Variants in CA1 observed in about 807,000 individuals in gnomAD.
CA1 encodes carbonic anhydrase 1.
In CA1, 27 loss-of-function variants were observed where a neutral mutation model predicts 28.8. The ratio of observed to expected loss-of-function variants is 0.94; its 90% confidence interval spans 0.69 to 1.29. CA1 has a LOEUF of 1.29. Ranked by LOEUF, CA1 falls within the 50% of genes most tolerant of loss-of-function variation. CA1 has a pLI of 0.00. For missense variants in CA1, 335 were observed against 310.5 expected, an observed-to-expected ratio of 1.08 and a Z score of -0.59; for synonymous variants, 121 against 108.8, an observed-to-expected ratio of 1.11 and a Z score of -0.70.
At chr8:85,369,018 G>A (rs1027775417) in intron 1 of CA1, among the ~76,000 whole-genome samples, 19 of 152,148 alleles carry the variant, frequency 1.2e-4, no homozygotes, top group African/African-American at 4.6e-4. Flanking sequence ...CTGTAGCTCA[G>A]TGGCAGATCA....
At chr8:85,376,147 A>G (rs1204258100) in intron 1 of CA1, among the ~76,000 whole-genome samples, 2 of 152,154 alleles carry the variant, frequency 1.3e-5, no homozygotes, top group African/African-American at 4.8e-5. Flanking sequence ...CCTGGCCAAC[A>G]TGGCGAAACC....
At chr8:85,347,178 A>G (rs1463779211) in intron 1 of CA1, among the ~76,000 whole-genome samples, 2 of 152,214 alleles carry the variant, frequency 1.3e-5, no homozygotes, top group East Asian at 1.9e-4. Context: ...TCTAAAATAC[A>G]TTTGTAATGA....
chr8:85,336,877 A>G (rs1225898281), intron 4 of CA1, 68 bp downstream of exon 4: 7 of 922,968 alleles, frequency 7.6e-6, no homozygotes, highest in Non-Finnish European at 1.3e-5. Context: ...TGTCTTAGAA[A>G]AGAAGGGAGA....
In CA1 at chr8:85,350,749, A is replaced by G. The variant is rs992027888; in HGVS notation, c.-24-9090T>C. Among the ~76,000 whole-genome samples the G allele has an allele frequency of 2.1e-4, 32 of 152,170 alleles. 1 individual carries two copies. The highest frequency in any genetic ancestry group is 1.8e-3 in the Admixed American group (27 of 15,270). On this transcript the variant is annotated intron_variant, in intron 1 of 7. Transcript: ENST00000523022. ...TTAAAATGGAGATCCACAGAGTCCAAAGGAGTTCTTATGGGCCTTATAGGC... is the reference window on the plus strand; with the variant it reads ...TTAAAATGGAGATCCACAGAGTCCAGAGGAGTTCTTATGGGCCTTATAGGC...
chr8:85,366,794 A>G (rs1454446520), intron 1 of CA1, among the ~76,000 whole-genome samples: 2 of 152,200 alleles, frequency 1.3e-5, no homozygotes, highest in Non-Finnish European at 2.9e-5. Context: ...TTGAAGAGCA[A>G]TGGCATAATA....
chr8:85,331,658 A>T (rs575724347), intron 6 of CA1, among the ~76,000 whole-genome samples: 1 of 151,804 alleles, frequency 6.6e-6, no homozygotes. Flanking sequence ...GGATTTCACT[A>T]TGTTGGCCAG....
intron 1 of CA1, among the ~76,000 whole-genome samples, chr8:85,376,616 C>T (rs555266722): frequency 2.6e-5 from 4 of 151,540 alleles, no homozygotes; most frequent in African/African-American, 9.7e-5. Context: ...GAGCTGAGAT[C>T]ACACCACTGC....
intron 1 of CA1, among the ~76,000 whole-genome samples, chr8:85,355,382 A>G (rs965118514): frequency 6.6e-6 from 1 of 152,104 alleles, no homozygotes; most frequent in Non-Finnish European, 1.5e-5. Context: ...CTATGCACTT[A>G]TTTTTTATTT....
rs80199432 is a variant in CA1, at chr8:85,371,868, T to C, written c.-25+6178A>G. Among the ~76,000 whole-genome samples the C allele has an allele frequency of 7.1e-3, 1,078 of 152,238 alleles. 15 individuals carry two copies. Among genetic ancestry groups the C allele is most frequent in the African/African-American group, 0.024 (1,007 of 41,546 alleles). Reference sequence around the variant, plus strand: ...TCTACATGCATTGTGGCTAAAAGAATTGTGGCCTGTCTTCTATGGATGATT... The same window carrying C: ...TCTACATGCATTGTGGCTAAAAGAACTGTGGCCTGTCTTCTATGGATGATT... On this transcript the variant is annotated intron_variant, in intron 1 of 7. Coordinates refer to ENST00000523022, the MANE Select transcript of CA1 (RefSeq NM_001128831.4).
chr8:85,368,331 G>A (rs1464906878), intron 1 of CA1, among the ~76,000 whole-genome samples: 1 of 151,650 alleles, frequency 6.6e-6, no homozygotes, highest in African/African-American at 2.4e-5. Flanking sequence ...CCATGCCCGG[G>A]TAATTTTTTT....
intron 4 of CA1, among the ~76,000 whole-genome samples, chr8:85,334,481 TTAAA>T (rs1017546617): frequency 6.0e-4 from 92 of 152,280 alleles, no homozygotes; most frequent in African/African-American, 2.2e-3. Context: ...ATGCCACTCC[TTAAA>T]TAATTCTTTC....
chr8:85,332,359 G>A (rs11774422), intron 6 of CA1, 131 bp downstream of exon 6: 1 of 715,400 alleles, frequency 1.4e-6, no homozygotes, highest in Non-Finnish European at 2.5e-6. Flanking sequence ...TATTGAAGTA[G>A]CACCTTGATT....
Position 85,344,190 on chromosome 8 carries a change from ATATATTATACAGTATATAATATAAT to A in CA1, c.-24-2556_-24-2532del, listed in dbSNP as rs1564029360. ...TATATACTGTATATAATATATAATT[ATATATTATACAGTATATAATATAAT>A]TATATTATATACAGTATATAATATA... On this transcript the variant is annotated intron_variant, in intron 1 of 7. Coordinates refer to ENST00000523022, the MANE Select transcript of CA1 (RefSeq NM_001128831.4). Among the ~76,000 whole-genome samples, 907 of 116,524 alleles carry A rather than the reference ATATATTATACAGTATATAATATAAT, an allele frequency of 7.8e-3. 48 individuals are homozygous for A. Among genetic ancestry groups the A allele is most frequent in the African/African-American group, 0.03 (665 of 22,390 alleles). The allele number at this position is 116,524 out of a possible 152,430, so 76.4% of individuals were successfully genotyped here.
intron 2 of CA1, among the ~76,000 whole-genome samples, chr8:85,340,176 A>G (rs1323252583): frequency 6.6e-6 from 1 of 152,190 alleles, no homozygotes; most frequent in Admixed American, 6.5e-5. Flanking sequence ...ATGGTTTCAA[A>G]GTTTTAAAAA....
intron 1 of CA1, among the ~76,000 whole-genome samples, chr8:85,369,925 A>G (rs1377227839): frequency 2.0e-5 from 3 of 152,228 alleles, no homozygotes; most frequent in African/African-American, 7.2e-5. Flanking sequence ...GCCAAGTAAT[A>G]TATGACCAAC....
chr8:85,333,595 G>T lies in CA1; in HGVS notation c.380C>A (p.Ala127Glu), dbSNP rs772962763. ...AGCTTCAGCAAGGCTGGAGTACTTT[G>T]CAGAATTCCAGTGAGCTACGTGAAG... The part of the protein sequence containing the change: ...AELHVAHWNS[A>E]KYSSLAEAAS... Residue 127 changes from alanine (A) to glutamate (E), a missense_variant, in exon 5 of 8, where the codon GCA becomes GAA. By Grantham distance (107) the Ala-to-Glu change is moderately radical (BLOSUM62 -1). Transcript: ENST00000523022. The T allele has an allele frequency of 1.2e-6, 2 of 1,611,526 alleles. No individual in the cohort carries two copies. The highest frequency in any genetic ancestry group is 1.7e-6 in the Non-Finnish European group (2 of 1,178,028).
At position 85,333,586 on chromosome 8, in the gene CA1, G is replaced by A; in HGVS notation, c.389C>T (p.Ser130Phe). ...CTTTGAGGCAGCTTCAGCAAGGCTG[G>A]AGTACTTTGCAGAATTCCAGTGAGC... ...HVAHWNSAKY[S>F]SLAEAASKAD... The change falls in exon 5 of 8, where the codon TCC becomes TTC. Residue 130 changes from serine to phenylalanine, a missense_variant. By Grantham distance (155) the Ser-to-Phe change is radical. Transcript: ENST00000523022. 1.2e-6 allele frequency: 2 copies of A among 1,612,584 alleles called. No homozygotes were observed. The highest frequency in any genetic ancestry group is 2.2e-5 in the South Asian group (2 of 91,032).
chr8:85,330,468 G>T (rs1005778178), intron 6 of CA1, among the ~76,000 whole-genome samples: 2 of 151,898 alleles, frequency 1.3e-5, no homozygotes, highest in African/African-American at 4.8e-5. Flanking sequence ...TCATTATTTT[G>T]TTGCACTGAC....
rs777641626 is a variant in CA1, at chr8:85,328,681, AAGGATAAAATATTTT to A, written c.670-20_670-6del. ...AAGGCTGCGGAATTGTGCCAGCTAG[AAGGATAAAATATTTT>A]AAAAATAAAAAGTTTTTAAAGTTAC... On this transcript the variant is annotated splice_polypyrimidine_tract_variant and splice_region_variant and intron_variant, in intron 7 of 7. Coordinates refer to ENST00000523022, the MANE Select transcript of CA1 (RefSeq NM_001128831.4). 10 of 1,562,168 alleles carry A rather than the reference AAGGATAAAATATTTT, an allele frequency of 6.4e-6. No individual in the cohort carries two copies.
Sources: gnomAD v4.1 joint callset for allele counts (sites outside exome capture counted in the v4.1 genomes callset) on GRCh38, gnomAD v4.1.1 for gene constraint, MANE v1.5 for transcripts, NCBI Gene and HGNC (gene_info 2026-07-23, HGNC 2026-07-21) for gene names.